Variants in TMEM268 observed in about 807,000 individuals in gnomAD.
The protein encoded by TMEM268 is transmembrane protein C9orf91.
Under a neutral mutation model 39.1 loss-of-function variants are expected in TMEM268, and 24 were observed. That is an observed-to-expected ratio of 0.61 (90% CI 0.44 to 0.86). The LOEUF (loss-of-function observed/expected upper bound fraction) is 0.86, where lower values mean the gene tolerates loss of function less well. Ranked by LOEUF, TMEM268 falls within the 40% of genes least tolerant of loss-of-function variation. The pLI, the probability that TMEM268 is intolerant of heterozygous loss-of-function variation, is 0.00. For missense variants in TMEM268, 409 were observed against 428.6 expected (o/e 0.95, Z 0.40); for synonymous variants, 176 against 173.5 (o/e 1.01, Z -0.12).
chr9:114,632,361 A>AG (rs1846438949), intron 5 of TMEM268, among the ~76,000 whole-genome samples: 1 of 152,168 alleles, frequency 6.6e-6, no homozygotes, highest in African/African-American at 2.4e-5. Flanking sequence ...TGACAACCAA[A>AG]GGGTCCTCCT....
rs780551609 is a variant in TMEM268, at chr9:114,638,726, G to T, written c.849G>T (p.Glu283Asp). The T allele has an allele frequency of 3.2e-6, 5 of 1,570,114 alleles. No individual in the cohort carries two copies. The highest frequency in any genetic ancestry group is 4.3e-6 in the Non-Finnish European group (5 of 1,157,850). ...LHQLVPEAEP[E>D]EMARQLLAVF... ...AGCTTGTTCCTGAGGCTGAGCCGGA[G>T]GTAACAGGCACTGGGGCTTGTTGGG... Residue 283 changes from glutamate to aspartate, a missense_variant and splice_region_variant, in exon 8 of 9, where the codon GAG (glutamate) becomes GAT (aspartate). By Grantham distance (45) the Glu-to-Asp change is conservative. Coordinates refer to ENST00000288502, the MANE Select transcript of TMEM268 (RefSeq NM_153045.4).
At chr9:114,604,728 A>T in the TMEM268 span, among the ~76,000 whole-genome samples, 2 of 152,172 alleles carry the variant, frequency 1.3e-5, no homozygotes, top group Non-Finnish European at 2.9e-5. Context: ...GTAGAAAAAA[A>T]AAAGTAACTT....
chr9:114,631,809 C>T (rs1001206318), intron 5 of TMEM268, among the ~76,000 whole-genome samples: 2 of 152,034 alleles, frequency 1.3e-5, no homozygotes, highest in African/African-American at 4.8e-5. Context: ...TGCAAACAAT[C>T]ACGTTAAGTG....
chr9:114,613,075 T>G (rs971965744), intron 1 of TMEM268, among the ~76,000 whole-genome samples: 1 of 152,156 alleles, frequency 6.6e-6, no homozygotes, highest in African/African-American at 2.4e-5. Context: ...CCCACTTACA[T>G]GTAAGGAAAC....
At chr9:114,636,556 A>T (rs1476957843) in intron 6 of TMEM268, among the ~76,000 whole-genome samples, 1 of 151,314 alleles carries the variant, frequency 6.6e-6, no homozygotes, top group Non-Finnish European at 1.5e-5. Context: ...GCTGGAGTGC[A>T]GTGGTGTGAT....
intron 5 of TMEM268, among the ~76,000 whole-genome samples, chr9:114,631,291 A>AAAAAAAAAAAAAAAAAAAG (rs1846387055): frequency 8.6e-5 from 2 of 23,348 alleles, no homozygotes; most frequent in African/African-American, 2.0e-4. Flanking sequence ...TCAAAAAAAA[A>AAAAAAAAAAAAAAAAAAAG]AAAAAAAAAA....
Position 114,645,267 on chromosome 9 carries a change from C to T in TMEM268, c.*1954C>T, listed in dbSNP as rs1466282353. The T allele has an allele frequency of 1.3e-5, 2 of 152,382 alleles. No individual in the cohort carries two copies. The highest frequency in any genetic ancestry group is 4.8e-5 in the African/African-American group (2 of 41,454). The allele number at this position is 152,382 out of a possible 1,614,324, so 9.4% of individuals were successfully genotyped here. ...GGACACCCTTGGACAGAAGACTGGC[C>T]TACCTAGCAGACCTGGATTTTTCTT... On this transcript the variant is annotated 3_prime_UTR_variant, in exon 9 of 9. Coordinates refer to ENST00000288502, the MANE Select transcript of TMEM268 (RefSeq NM_153045.4).
intron 2 of TMEM268, among the ~76,000 whole-genome samples, chr9:114,619,328 C>T (rs1398417437): frequency 6.6e-6 from 1 of 151,754 alleles, no homozygotes; most frequent in Non-Finnish European, 1.5e-5. Context: ...CACAGACACA[C>T]ACATTTTTCT....
chr9:114,620,133 T>C (rs1845888885), intron 2 of TMEM268, among the ~76,000 whole-genome samples: 2 of 152,132 alleles, frequency 1.3e-5, no homozygotes, highest in African/African-American at 4.8e-5. Flanking sequence ...GAGAATTGCT[T>C]GAACCTGGGA....
the TMEM268 span, among the ~76,000 whole-genome samples, chr9:114,604,063 C>G: frequency 1.5e-4 from 23 of 151,928 alleles, no homozygotes; most frequent in East Asian, 4.1e-3. Context: ...AAGGAACCAG[C>G]CCAAGGATGT....
At chr9:114,627,380 C>T (rs751710579) in intron 4 of TMEM268, among the ~76,000 whole-genome samples, 10 of 152,108 alleles carry the variant, frequency 6.6e-5, no homozygotes, top group Non-Finnish European at 7.4e-5. Flanking sequence ...TTCATATATA[C>T]ATGTACATAT....
intron 8 of TMEM268, among the ~76,000 whole-genome samples, chr9:114,640,477 G>A (rs1846856882): frequency 2.6e-5 from 4 of 152,056 alleles, no homozygotes; most frequent in Non-Finnish European, 2.9e-5. Context: ...CATACTCTTC[G>A]AGGTATGAAT....
rs1283431086 is a variant in TMEM268 at position 114,643,130 on chromosome 9, C to G, written c.850-4C>G. 5.6e-6 allele frequency: 9 copies of G among 1,613,974 alleles called. No individual in the cohort carries two copies. The highest frequency in any genetic ancestry group is 1.7e-5 in the Admixed American group (1 of 59,994). On this transcript the variant is annotated splice_region_variant and splice_polypyrimidine_tract_variant and intron_variant, in intron 8 of 8. Coordinates refer to ENST00000288502, the MANE Select transcript of TMEM268 (RefSeq NM_153045.4). Reference sequence around the variant, plus strand: ...TATTCAATCTGCTTCCCTGCCTCTTCTAGGAAATGGCCCGCCAGCTGCTGG... The same window carrying G: ...TATTCAATCTGCTTCCCTGCCTCTTGTAGGAAATGGCCCGCCAGCTGCTGG...
At chr9:114,633,939 G>A in intron 6 of TMEM268, 61 bp downstream of exon 6, 1 of 936,080 alleles carries the variant, frequency 1.1e-6, no homozygotes, top group Admixed American at 2.4e-5. Flanking sequence ...CTAATGGAGA[G>A]CAGTGGCCTC....
the TMEM268 span, among the ~76,000 whole-genome samples, chr9:114,604,365 GCCAGGAGTTCGAGA>G: frequency 0.53 from 80,783 of 151,452 alleles, 21,562 homozygotes; most frequent in East Asian, 0.62. Context: ...ATCATTTGAG[GCCAGGAGTTCGAGA>G]CGAGCCTGGC....
chr9:114,629,483 A>G (rs1846298609), intron 5 of TMEM268, among the ~76,000 whole-genome samples: 1 of 152,266 alleles, frequency 6.6e-6, no homozygotes, highest in Non-Finnish European at 1.5e-5. Flanking sequence ...CCTTGTGATT[A>G]CATTGGGCCA....
chr9:114,613,046 T>C (rs1354410758), intron 1 of TMEM268, among the ~76,000 whole-genome samples: 3 of 152,232 alleles, frequency 2.0e-5, no homozygotes, highest in Non-Finnish European at 2.9e-5. Flanking sequence ...CACAACCACC[T>C]GAAGTTACTG....
intron 1 of TMEM268, among the ~76,000 whole-genome samples, chr9:114,615,152 C>T (rs912889247): frequency 6.6e-6 from 1 of 152,152 alleles, no homozygotes; most frequent in African/African-American, 2.4e-5. Context: ...CCGCCTCAGC[C>T]TCCCAAAGTG....
chr9:114,644,713 C>T lies in TMEM268; in HGVS notation c.*1400C>T, dbSNP rs1300496571. 1 of 152,132 alleles carries T rather than the reference C, an allele frequency of 6.6e-6. No homozygotes were observed. The highest frequency in any genetic ancestry group is 1.5e-5 in the Non-Finnish European group (1 of 68,038). 9.4% of individuals were successfully genotyped at this position (152,132 alleles called of 1,614,324 possible). On this transcript the variant is annotated 3_prime_UTR_variant, in exon 9 of 9. Transcript: ENST00000288502. ...GACCTGGGTTCTGGACCTGATCTGC[C>T]ACTTCAAGCTGTGTAATTTTTGGCA...
Sources: gnomAD v4.1 joint callset for allele counts (sites outside exome capture counted in the v4.1 genomes callset) on GRCh38, gnomAD v4.1.1 for gene constraint, MANE v1.5 for transcripts, NCBI Gene and HGNC (gene_info 2026-07-23, HGNC 2026-07-21) for gene names.